The following PRPF8 variants were observed in gnomAD, a reference collection of about 807,000 sequenced individuals.
PRPF8 encodes pre-mRNA-processing-splicing factor 8.
Under a neutral mutation model 285.9 loss-of-function variants are expected in PRPF8, and 64 were observed. The ratio of observed to expected loss-of-function variants is 0.22; its 90% confidence interval spans 0.18 to 0.28. The LOEUF is 0.28. Among genes scored for constraint, PRPF8 ranks in the 10% least tolerant of loss-of-function variants. The pLI, the probability that PRPF8 is intolerant of heterozygous loss-of-function variation, is 1.00. For synonymous variants in PRPF8, 1,325 were observed against 1,118.2 expected (o/e 1.18, Z -3.69); for missense variants, 1,426 against 3,026.7 (o/e 0.47, Z 12.41).
chr17:1,678,754 A>C lies in PRPF8; in HGVS notation c.1719+8T>G, dbSNP rs1331455416. The C allele has an allele frequency of 6.2e-7, 1 of 1,614,036 alleles. No homozygotes were observed. The highest frequency in any genetic ancestry group is 2.2e-5 in the East Asian group (1 of 44,890). ...ACCCAGGCAGGGGTTGGGAATACCTAACCTTACCTGGAAGGCATCCACATT... is the reference window on the plus strand; with the variant it reads ...ACCCAGGCAGGGGTTGGGAATACCTCACCTTACCTGGAAGGCATCCACATT... On this transcript the variant is annotated splice_region_variant and intron_variant, in intron 12 of 42. Coordinates refer to ENST00000304992, the MANE Select transcript of PRPF8 (RefSeq NM_006445.4).
intron 8 of PRPF8, among the ~76,000 whole-genome samples, chr17:1,680,266 G>C (rs1165028538): frequency 6.6e-6 from 1 of 152,222 alleles, no homozygotes. Context: ...TAGTGGTTGC[G>C]TAAGGAAGTT....
chr17:1,662,397 T>G (rs1327376966), intron 24 of PRPF8, among the ~76,000 whole-genome samples: 1 of 152,128 alleles, frequency 6.6e-6, no homozygotes, highest in African/African-American at 2.4e-5. Flanking sequence ...GAGACCAGCC[T>G]GGCCAACATG....
At chr17:1,684,240 G>A (rs1913103044) in intron 2 of PRPF8, among the ~76,000 whole-genome samples, 2 of 152,136 alleles carry the variant, frequency 1.3e-5, no homozygotes, top group Admixed American at 1.3e-4. Flanking sequence ...CTCTCCCGCT[G>A]TAATTTAAAC....
At chr17:1,657,645 CAAA>C (rs71150803) in intron 34 of PRPF8, among the ~76,000 whole-genome samples, 621 of 48,094 alleles carry the variant, frequency 0.013, 5 homozygotes, top group Non-Finnish European at 0.016. Flanking sequence ...GACTCCGTCT[CAAA>C]AAAAAAAAAA....
At chr17:1,657,519 A>T (rs968429308) in intron 34 of PRPF8, among the ~76,000 whole-genome samples, 3 of 147,858 alleles carry the variant, frequency 2.0e-5, no homozygotes, top group African/African-American at 7.5e-5. Context: ...GGTGGCGGGC[A>T]CCTGTAGTCC....
chr17:1,671,696 A>G (rs1413372506), intron 24 of PRPF8, among the ~76,000 whole-genome samples: 2 of 151,998 alleles, frequency 1.3e-5, no homozygotes, highest in South Asian at 2.1e-4. Flanking sequence ...CCAAAAATAC[A>G]AAAACTTAGC....
chr17:1,656,898 T>G lies in PRPF8; in HGVS notation c.5506-137A>C. 4.8e-6 allele frequency: 4 copies of G among 838,218 alleles called. No individual in the cohort carries two copies. The South Asian group carries it at 5.8e-5, about 12-fold the overall frequency. 51.9% of individuals were successfully genotyped at this position (838,218 alleles called of 1,614,324 possible). A position where few individuals can be genotyped will look rare whatever the true frequency, so the allele number is the denominator to read the frequency against. On this transcript the variant is annotated intron_variant, in intron 34 of 42. Transcript: ENST00000304992. ...TGTTAAATGTTAGGCACTTAGAAGG[T>G]ACAAAGAGTATCAAATGGCCGTGTC...
In PRPF8 at chr17:1,651,283, C is replaced by T. The variant is rs368425914; in HGVS notation, c.6678G>A (p.Thr2226=). 13 of 1,613,900 alleles carry T rather than the reference C, an allele frequency of 8.1e-6. No homozygotes were observed. The highest frequency in any genetic ancestry group is 4.5e-5 in the East Asian group (2 of 44,896). ...CSFTPGSCTL[T]AYKLTPSGYE... is the part of the protein sequence containing the mutation. The stretch of plus-strand genomic sequence containing the variant: ...AGCCACTGGGGGTCAGCTTGTAGGC[C>T]GTCAGTGTACAGGAGCCTGGCGTGA... The change falls in exon 42 of 43, where the codon ACG becomes ACA. Residue 2226 remains threonine, a synonymous_variant. Transcript: ENST00000304992. This position sits in a 1 kb window ranked among gnomAD's most constrained non-coding sequence, Gnocchi z 5.1.
rs1912541058 is a variant in PRPF8 at position 1,675,041 on chromosome 17, G to A, written c.3060+111C>T. On this transcript the variant is annotated intron_variant, in intron 20 of 42. Transcript: ENST00000304992. This position sits in a 1 kb window ranked among gnomAD's most constrained non-coding sequence, Gnocchi z 6.0. ...GCCCGCCTCAGCCTCCCAAAGTGCT[G>A]GGATTACAGGCATGAGCCACCGCAC... The A allele has an allele frequency of 4.6e-6, 6 of 1,307,814 alleles. No homozygotes were observed. In the Admixed American group the frequency reaches 5.4e-5, roughly 12 times the overall value. The allele number at this position is 1,307,814 out of a possible 1,614,324, so 81.0% of individuals were successfully genotyped here.
chr17:1,657,373 C>T (rs1258604552), intron 34 of PRPF8, among the ~76,000 whole-genome samples: 7 of 152,066 alleles, frequency 4.6e-5, no homozygotes, highest in Admixed American at 1.3e-4. Flanking sequence ...GGGCCGGGCA[C>T]GGTGGCTCAA....
rs1911572260 is a variant in PRPF8, at chr17:1,659,484, A to G, written c.5011T>C (p.Tyr1671His). 1 of 1,614,000 alleles carries G rather than the reference A, an allele frequency of 6.2e-7. No individual in the cohort carries two copies. Residue 1671 changes from tyrosine (Y) to histidine (H), a missense_variant, in exon 32 of 43, where the codon TAT (tyrosine) becomes CAT (histidine). Physicochemically the swap from Tyr to His is moderately conservative, Grantham distance 83. Transcript: ENST00000304992. The surrounding 1 kb of genome is among the most constrained non-coding windows in gnomAD (Gnocchi z 5.1). ...WIDIQLRWGD[Y>H]DSHDIERYAR... The stretch of plus-strand genomic sequence containing the variant: ...TAGCGCTCAATGTCGTGGGAATCAT[A>G]GTCCCCCCAGCGCAACTGGATGTCA...
chr17:1,650,744 T>A lies in PRPF8; in HGVS notation c.*58A>T. 1.2e-6 allele frequency: 2 copies of A among 1,603,168 alleles called. No individual in the cohort carries two copies. The highest frequency in any genetic ancestry group is 1.7e-6 in the Non-Finnish European group (2 of 1,171,646). On this transcript the variant is annotated 3_prime_UTR_variant, in exon 43 of 43. Coordinates refer to ENST00000304992, the MANE Select transcript of PRPF8 (RefSeq NM_006445.4). Reference sequence around the variant, plus strand: ...GCCAAACTGCTGAATGTCAGCGGCCTGTCTGGAGGGGCTGAGGCTTCGGCC... The same window carrying A: ...GCCAAACTGCTGAATGTCAGCGGCCAGTCTGGAGGGGCTGAGGCTTCGGCC...
rs946609493 is a variant in PRPF8, at chr17:1,660,938, A to C, written c.4508+55T>G. On this transcript the variant is annotated intron_variant, in intron 28 of 42. Transcript: ENST00000304992. ...ACCACAGGAAATCACAGAGGCATAC[A>C]AGAGATGAGCTCAAAGGGTTGTGAC... 1.9e-6 allele frequency: 3 copies of C among 1,612,476 alleles called. No homozygotes were observed. The African/African-American group carries it at 4.0e-5, about 22-fold the overall frequency.
chr17:1,664,994 A>G (rs991540670), intron 24 of PRPF8, among the ~76,000 whole-genome samples: 3 of 151,498 alleles, frequency 2.0e-5, no homozygotes, highest in African/African-American at 7.3e-5. Flanking sequence ...TGTCTCTACT[A>G]AAAATACAAA....
Position 1,681,883 on chromosome 17 carries a change from G to A in PRPF8, c.590C>T (p.Pro197Leu). 1 of 1,613,958 alleles carries A rather than the reference G, an allele frequency of 6.2e-7. No homozygotes were observed. The highest frequency in any genetic ancestry group is 8.5e-7 in the Non-Finnish European group (1 of 1,179,994). ...PLEAIQLELDPEEDAPVLDWF... is the reference protein window; with the variant it reads ...PLEAIQLELDLEEDAPVLDWF... The stretch of plus-strand genomic sequence containing the variant: ...GTCCAACACAGGGGCGTCCTCCTCA[G>A]GGTCCAGCTCTAGCTGAATGGCCTC... The change falls in exon 5 of 43, where the codon CCT (proline) becomes CTT (leucine). Residue 197 changes from proline (P) to leucine (L), a missense_variant. Pro to Leu is a moderately conservative substitution (Grantham distance 98, BLOSUM62 -3). Around this residue, in one of 34 missense-constraint regions of PRPF8, gnomAD observed 96 missense variants for 188.3 expected, o/e 0.51. Transcript: ENST00000304992.
intron 24 of PRPF8, among the ~76,000 whole-genome samples, chr17:1,667,038 T>C (rs1416061398): frequency 2.0e-5 from 3 of 152,094 alleles, no homozygotes; most frequent in African/African-American, 4.8e-5. Context: ...CCGGGCATGG[T>C]GGCAGGCACC....
chr17:1,672,814 A>AT, intron 24 of PRPF8: 2 of 569,464 alleles, frequency 3.5e-6, no homozygotes, highest in Non-Finnish European at 6.3e-6. Context: ...TCTGTTCAAA[A>AT]TAATAAATCC....
At chr17:1,674,815 G>C (rs1359785106) in intron 20 of PRPF8, 135 bp from the exon 21 acceptor site, 1 of 947,962 alleles carries the variant, frequency 1.1e-6, no homozygotes, top group Non-Finnish European at 1.7e-6. Context: ...CAGTCACCCA[G>C]GCTGAGAGTG....
intron 24 of PRPF8, among the ~76,000 whole-genome samples, chr17:1,672,357 G>GC (rs951385488): frequency 1.3e-5 from 2 of 152,292 alleles, no homozygotes; most frequent in South Asian, 4.1e-4. Context: ...TCGACTCACA[G>GC]CAACGTCCGC....
Sources: gnomAD v4.1 joint callset for allele counts (sites outside exome capture counted in the v4.1 genomes callset) on GRCh38, gnomAD v4.1.1 for gene constraint, gnomAD v4.1.1 regional missense constraint, Gnocchi (gnomAD v3.1) non-coding constraint, MANE v1.5 for transcripts, NCBI Gene and HGNC (gene_info 2026-07-23, HGNC 2026-07-21) for gene names.